The following EVI5 variants were observed in gnomAD, a reference collection of about 807,000 sequenced individuals.
EVI5 encodes ecotropic viral integration site 5 protein homolog.
EVI5 carries 73 observed loss-of-function variants against 112.0 expected under a neutral mutation model. The observed-to-expected ratio is 0.65, with a 90% CI of 0.54 to 0.79. EVI5 has a LOEUF of 0.79. EVI5 is among the 30% of genes least tolerant of loss of function. The probability of loss-of-function intolerance (pLI) is 0.00; values close to 1 mark genes in which losing one functional copy is unlikely to be tolerated. For synonymous variants in EVI5, 305 were observed against 319.9 expected (o/e 0.95, Z 0.50); for missense variants, 900 against 968.8 (o/e 0.93, Z 0.94).
intron 19 of EVI5, 58 bp downstream of exon 19, chr1:92,563,584 T>C: frequency 1.2e-6 from 1 of 811,092 alleles, no homozygotes; most frequent in East Asian, 2.6e-5. Flanking sequence ...AATAAAGTGT[T>C]GTTACAATAC....
intron 13 of EVI5, among the ~76,000 whole-genome samples, chr1:92,640,929 G>A (rs1382830380): frequency 6.6e-6 from 1 of 152,094 alleles, no homozygotes; most frequent in African/African-American, 2.4e-5. Flanking sequence ...GTCTTTTGCA[G>A]GGACATAGAA....
At chr1:92,606,876 TTTAG>T (rs1160278356) in intron 17 of EVI5, among the ~76,000 whole-genome samples, 6 of 142,510 alleles carry the variant, frequency 4.2e-5, no homozygotes, top group African/African-American at 1.6e-4. Context: ...CAGTCATCTC[TTTAG>T]TTATTTCACA....
At chr1:92,737,885 T>C (rs901122734) in intron 1 of EVI5, among the ~76,000 whole-genome samples, 1 of 152,220 alleles carries the variant, frequency 6.6e-6, no homozygotes, top group African/African-American at 2.4e-5. Context: ...AAGAGTTTTA[T>C]TAAACTCAAG....
intron 18 of EVI5, among the ~76,000 whole-genome samples, chr1:92,574,200 A>G (rs1355397110): frequency 2.6e-5 from 4 of 152,290 alleles, no homozygotes; most frequent in East Asian, 1.9e-4. Context: ...AATTAGAGAA[A>G]GGATGAAGAC....
intron 18 of EVI5, among the ~76,000 whole-genome samples, chr1:92,587,963 C>G (rs971848126): frequency 3.9e-5 from 6 of 152,146 alleles, no homozygotes; most frequent in Non-Finnish European, 7.3e-5. Flanking sequence ...TTAATTCTCA[C>G]CTATTTTCCT....
intron 2 of EVI5, chr1:92,732,335 C>A: frequency 2.6e-6 from 1 of 386,886 alleles, no homozygotes; most frequent in South Asian, 2.3e-5. Context: ...GACTGCCACT[C>A]AGTAACTTGT....
At chr1:92,760,725 T>A (rs1316401872) in intron 1 of EVI5, among the ~76,000 whole-genome samples, 3 of 116,186 alleles carry the variant, frequency 2.6e-5, no homozygotes, top group Admixed American at 9.4e-5. Context: ...AGACTGAGAC[T>A]CTGTCTCAAA....
chr1:92,535,616 G>A (rs912531229), intron 19 of EVI5, among the ~76,000 whole-genome samples: 3 of 152,174 alleles, frequency 2.0e-5, no homozygotes, highest in African/African-American at 7.2e-5. Flanking sequence ...CAGGGATATG[G>A]ATGGAGTTGG....
At position 92,528,515 on chromosome 1, in the gene EVI5, A is replaced by T. The variant is rs1304849524; in HGVS notation, c.2167-14545T>A. Reference sequence around the variant, plus strand: ...CCAAAAATTTTATAACAGGGCTCATAACAGTTTTATTCATAATAACCCCAA... The same window carrying T: ...CCAAAAATTTTATAACAGGGCTCATTACAGTTTTATTCATAATAACCCCAA... On this transcript the variant is annotated intron_variant, in intron 19 of 19. Transcript: ENST00000684568. Among the ~76,000 whole-genome samples, 3 of 152,352 alleles carry T rather than the reference A, an allele frequency of 2.0e-5. No homozygotes were observed. The East Asian group carries it at 5.8e-4, about 29-fold the overall frequency.
At chr1:92,532,835 A>G (rs1053851384) in intron 19 of EVI5, among the ~76,000 whole-genome samples, 2 of 152,190 alleles carry the variant, frequency 1.3e-5, no homozygotes, top group African/African-American at 4.8e-5. Flanking sequence ...AGGAAGCAGG[A>G]AAGATCTAAA....
chr1:92,690,269 G>A (rs367567108), intron 9 of EVI5, among the ~76,000 whole-genome samples: 7 of 152,060 alleles, frequency 4.6e-5, no homozygotes, highest in African/African-American at 1.7e-4. Context: ...ACTGATAAAT[G>A]TAAGAAGAAT....
chr1:92,675,192 A>G (rs768096530), intron 10 of EVI5, among the ~76,000 whole-genome samples: 1 of 152,140 alleles, frequency 6.6e-6, no homozygotes, highest in Admixed American at 6.5e-5. Flanking sequence ...AAAATACAAA[A>G]AATTAGCCAG....
intron 13 of EVI5, among the ~76,000 whole-genome samples, chr1:92,645,899 G>A (rs1454444973): frequency 2.0e-5 from 3 of 152,038 alleles, no homozygotes; most frequent in South Asian, 2.1e-4. Flanking sequence ...TTCACTTCAC[G>A]TTGCATTCTC....
chr1:92,632,955 T>A (rs921914422), intron 14 of EVI5, among the ~76,000 whole-genome samples: 3 of 152,192 alleles, frequency 2.0e-5, no homozygotes, highest in Non-Finnish European at 4.4e-5. Context: ...CAGGAGCAGG[T>A]TGTTCAGTTT....
At chr1:92,755,557 A>G (rs1362308500) in intron 1 of EVI5, among the ~76,000 whole-genome samples, 1 of 152,242 alleles carries the variant, frequency 6.6e-6, no homozygotes, top group East Asian at 1.9e-4. Context: ...TCCATGATAC[A>G]TGTCGATGGG....
intron 18 of EVI5, among the ~76,000 whole-genome samples, chr1:92,576,990 A>G (rs1557824489): frequency 6.6e-6 from 1 of 152,224 alleles, no homozygotes; most frequent in Admixed American, 6.5e-5. Flanking sequence ...AAGCATGAAA[A>G]TAAGTGCTGA....
chr1:92,755,215 C>T (rs1680770605), intron 1 of EVI5, among the ~76,000 whole-genome samples: 1 of 151,682 alleles, frequency 6.6e-6, no homozygotes, highest in Non-Finnish European at 1.5e-5. Context: ...TCAAGACCAG[C>T]CTGGCCAACA....
intron 2 of EVI5, among the ~76,000 whole-genome samples, chr1:92,728,572 G>A (rs2391197): frequency 0.61 from 92,689 of 151,868 alleles, 29,150 homozygotes; most frequent in East Asian, 0.92. Flanking sequence ...ATTTTTAGTA[G>A]AGACAGGGTT....
intron 19 of EVI5, among the ~76,000 whole-genome samples, chr1:92,527,741 T>G (rs1204275496): frequency 1.3e-5 from 2 of 152,214 alleles, no homozygotes; most frequent in Admixed American, 6.5e-5. Flanking sequence ...ATGGTATGCA[T>G]TTGTTTCTGT....
Sources: allele counts gnomAD v4.1 joint callset (sites outside exome capture counted in the v4.1 genomes callset), GRCh38; gene constraint gnomAD v4.1.1; transcripts MANE v1.5; gene names NCBI Gene and HGNC (gene_info 2026-07-23, HGNC 2026-07-21).